MNT: variants seen among roughly 807,000 people sequenced by gnomAD.
MNT encodes the protein max-binding protein MNT.
Under a neutral mutation model 40.7 loss-of-function variants are expected in MNT, and 13 were observed. The ratio of observed to expected loss-of-function variants is 0.32; its 90% CI spans 0.21 to 0.51. The LOEUF (loss-of-function observed/expected upper bound fraction) is 0.51, where lower values mean the gene tolerates loss of function less well. Among genes scored for constraint, MNT ranks in the 20% least tolerant of loss-of-function variants. The pLI, the probability that MNT is intolerant of heterozygous loss-of-function variation, is 0.98. For synonymous variants in MNT, 426 were observed against 354.8 expected (o/e 1.20, Z -2.26); for missense variants, 757 against 792.0 (o/e 0.96, Z 0.53).
Position 2,387,511 on chromosome 17 carries a change from G to A in MNT, c.1139C>T (p.Pro380Leu). 6.2e-7 allele frequency: 1 copy of A among 1,613,188 alleles called. No homozygotes were observed. Among genetic ancestry groups the A allele is most frequent in the Admixed American group, 1.7e-5 (1 of 59,990 alleles). ...GGAGTGGGGGTGAGGGTGTGGGTGT[G>A]GAGGCAGAGGCGCAGGGGTGGTGCT... ...PPSTTPAPLP[P>L]HPHPHPHSVA... Residue 380 changes from proline (P) to leucine (L), a missense_variant, in exon 6 of 6, where the codon CCA becomes CTA. By Grantham distance (98) the Pro-to-Leu change is moderately conservative. Coordinates refer to ENST00000174618, the MANE Select transcript of MNT (RefSeq NM_020310.3).
In MNT at chr17:2,387,419, C is replaced by G. The variant is rs762242404; in HGVS notation, c.1231G>C (p.Ala411Pro). The G allele has an allele frequency of 1.6e-5, 25 of 1,611,642 alleles. No individual in the cohort carries two copies. Among genetic ancestry groups the G allele is most frequent in the Non-Finnish European group, 1.9e-5 (22 of 1,178,774 alleles). ...QQPQQKTPLP[A>P]PPPPPAAPAQ... ...GGGGCAGCCGGTGGGGGAGGAGGGG[C>G]TGGCAGAGGGGTCTTCTGCTGTGGC... is the stretch of plus-strand genomic sequence containing the variant. The change falls in exon 6 of 6, where the codon GCC (alanine) becomes CCC (proline). Residue 411 changes from alanine (A) to proline (P), a missense_variant. Coordinates refer to ENST00000174618, the MANE Select transcript of MNT (RefSeq NM_020310.3).
intron 4 of MNT, chr17:2,388,266 G>A (rs2066484672): frequency 9.4e-6 from 5 of 533,904 alleles, no homozygotes; most frequent in Non-Finnish European, 1.7e-5. Flanking sequence ...CTTGGGACAG[G>A]CACCACTGAA....
rs1481005205 is a variant in MNT at position 2,387,076 on chromosome 17, G to A, written c.1574C>T (p.Ser525Leu). 15 of 1,569,398 alleles carry A rather than the reference G, an allele frequency of 9.6e-6. No homozygotes were observed. Among genetic ancestry groups the A allele is most frequent in the African/African-American group, 1.3e-5 (1 of 74,252 alleles). ...GGCCGTGCCGTTGACTTGCTGGTGCGAGAGGGTGTGGGCGATGTGGCTCAC... is the reference window on the plus strand; with the variant it reads ...GGCCGTGCCGTTGACTTGCTGGTGCAAGAGGGTGTGGGCGATGTGGCTCAC... ...VAVSHIAHTL[S>L]HQQVNGTAGL... The change falls in exon 6 of 6, where the codon TCG becomes TTG. Residue 525 changes from serine to leucine, a missense_variant. This residue lies in a region of MNT where 345 missense variants were observed against 380.1 expected (regional missense o/e 0.91). Coordinates refer to ENST00000174618, the MANE Select transcript of MNT (RefSeq NM_020310.3).
At position 2,394,706 on chromosome 17, in the gene MNT, C is replaced by T. The variant is rs139056671; in HGVS notation, c.653+169G>A. On this transcript the variant is annotated intron_variant, in intron 2 of 5. Coordinates refer to ENST00000174618, the MANE Select transcript of MNT (RefSeq NM_020310.3). ...GTTAGGAAACACAGAAGCCTGGGAA[C>T]GGGGGGCAATGGGACATTCCTTCCC... 1.7e-3 allele frequency among the ~76,000 whole-genome samples: 252 copies of T among 152,260 alleles called. 1 individual carries two copies. Among genetic ancestry groups the T allele is most frequent in the African/African-American group, 5.9e-3 (245 of 41,548 alleles).
intron 4 of MNT, chr17:2,389,259 C>G (rs1398710847): frequency 6.6e-6 from 1 of 151,864 alleles, no homozygotes; most frequent in African/African-American, 2.4e-5. Flanking sequence ...CCCCCACTCT[C>G]CCTCAATTTT....
chr17:2,385,859 G>A lies in MNT; in HGVS notation c.*1042C>T, dbSNP rs1346660541. The A allele has an allele frequency of 1.3e-5, 2 of 152,296 alleles. No individual in the cohort carries two copies. The highest frequency in any genetic ancestry group is 4.8e-5 in the African/African-American group (2 of 41,462). The allele number at this position is 152,296 out of a possible 1,614,324, so 9.4% of individuals were successfully genotyped here. On this transcript the variant is annotated 3_prime_UTR_variant, in exon 6 of 6. Coordinates refer to ENST00000174618, the MANE Select transcript of MNT (RefSeq NM_020310.3). ...CAACGATGTGGCTTCTATGCTCCTG[G>A]AAACAAGACCAGATGCTGGTCCATG... is the stretch of plus-strand genomic sequence containing the variant.
intron 4 of MNT, chr17:2,391,088 A>T (rs2066509690): frequency 6.6e-6 from 1 of 152,440 alleles, no homozygotes. Context: ...TCCCGGGTTC[A>T]AGCGATTCTC....
chr17:2,400,777 A>C lies in MNT; in HGVS notation c.-65T>G. ...GCGGCCCGCGAGCCGGGCACAGGTCAGGCTGGCGGGCAGGCAGGAGGGAGG... is the reference window on the plus strand; with the variant it reads ...GCGGCCCGCGAGCCGGGCACAGGTCCGGCTGGCGGGCAGGCAGGAGGGAGG... On this transcript the variant is annotated 5_prime_UTR_variant, in exon 1 of 6. Transcript: ENST00000174618. 1 of 1,408,938 alleles carries C rather than the reference A, an allele frequency of 7.1e-7. No homozygotes were observed. Among genetic ancestry groups the C allele is most frequent in the Admixed American group, 3.1e-5 (1 of 32,010 alleles). The allele number at this position is 1,408,938 out of a possible 1,614,324, so 87.3% of individuals were successfully genotyped here.
chr17:2,393,006 G>A (rs1454096645), intron 4 of MNT, among the ~76,000 whole-genome samples: 1 of 152,072 alleles, frequency 6.6e-6, no homozygotes, highest in Non-Finnish European at 1.5e-5. Context: ...GAGGCCGGGG[G>A]AGGGGCGGCG....
At position 2,384,242 on chromosome 17, in the gene MNT, T is replaced by G. The variant is rs925897328; in HGVS notation, c.*2659A>C. On this transcript the variant is annotated 3_prime_UTR_variant, in exon 6 of 6. Coordinates refer to ENST00000174618, the MANE Select transcript of MNT (RefSeq NM_020310.3). The stretch of plus-strand genomic sequence containing the variant: ...GTACAAAATTAGGGTTTTTGTAGTT[T>G]TTTTTTTTTTCCACACAGCAGATGT... 4 of 152,274 alleles carry G rather than the reference T, an allele frequency of 2.6e-5. No individual in the cohort carries two copies. The highest frequency in any genetic ancestry group is 5.9e-5 in the Non-Finnish European group (4 of 67,978). The allele number at this position is 152,274 out of a possible 1,614,324, so 9.4% of individuals were successfully genotyped here.
At chr17:2,389,467 G>C (rs1041932602) in intron 4 of MNT, 17 of 152,084 alleles carry the variant, frequency 1.1e-4, no homozygotes, top group African/African-American at 4.1e-4. Context: ...TAGAGACAGG[G>C]TTTCTCCATG....
intron 1 of MNT, among the ~76,000 whole-genome samples, chr17:2,399,814 G>A (rs1304273721): frequency 6.6e-6 from 1 of 152,172 alleles, no homozygotes; most frequent in Non-Finnish European, 1.5e-5. Flanking sequence ...CATTCCAGGC[G>A]AGAGCGGGTT....
chr17:2,395,898 AG>A (rs140618007), intron 1 of MNT, among the ~76,000 whole-genome samples: 21 of 151,742 alleles, frequency 1.4e-4, no homozygotes, highest in East Asian at 1.9e-4. Flanking sequence ...TTCACACCAG[AG>A]GGGGGGGTGT....
At chr17:2,394,493 G>T in intron 2 of MNT, 147 bp from the exon 3 acceptor site, 1 of 1,193,196 alleles carries the variant, frequency 8.4e-7, no homozygotes. Flanking sequence ...CCTGTGCCAT[G>T]CTGCGCCCAC....
rs753145734 is a variant in MNT, at chr17:2,387,216, C to T, written c.1434G>A (p.Ala478=). 6.2e-6 allele frequency: 10 copies of T among 1,609,744 alleles called. No homozygotes were observed. Among genetic ancestry groups the T allele is most frequent in the East Asian group, 2.2e-5 (1 of 44,606 alleles). The part of the protein sequence containing the change: ...AHIAPSAPSP[A]VQLAPATPPI... ...GGGGTGTGGCAGGCGCCAGTTGCAC[C>T]GCAGGGCTGGGGGCCGAGGGGGCGA... The change falls in exon 6 of 6, where the codon GCG becomes GCA. Residue 478 remains alanine, a synonymous_variant. Coordinates refer to ENST00000174618, the MANE Select transcript of MNT (RefSeq NM_020310.3).
intron 1 of MNT, among the ~76,000 whole-genome samples, chr17:2,399,751 G>T (rs544595549): frequency 1.3e-5 from 2 of 152,310 alleles, no homozygotes; most frequent in South Asian, 2.1e-4. Context: ...GGCGGAGCCC[G>T]TCCACGTCAC....
chr17:2,387,045 C>G lies in MNT; in HGVS notation c.1605G>C (p.Leu535=). 1 of 1,555,446 alleles carries G rather than the reference C, an allele frequency of 6.4e-7. No homozygotes were observed. The highest frequency in any genetic ancestry group is 8.7e-7 in the Non-Finnish European group (1 of 1,149,398). ...TTGCCATGACAGTAGCCGGGGGCCC[C>G]AGGCCGGCCGTGCCGTTGACTTGCT... ...SHQQVNGTAG[L]GPPATVMAKP... is the part of the protein sequence containing the mutation. The change falls in exon 6 of 6, where the codon CTG becomes CTC. Residue 535 remains leucine, a synonymous_variant. Transcript: ENST00000174618.
At position 2,395,337 on chromosome 17, in the gene MNT, G is replaced by A. The variant is rs138518103; in HGVS notation, c.191C>T (p.Pro64Leu). ...PVEEPRMEAP[P>L]LPLSPPAPPP... ...GGGAGCCGGTGGAGACAGAGGCAGG[G>A]GTGGCGCCTCCATGCGGGGTTCCTC... The change falls in exon 2 of 6, where the codon CCC becomes CTC. Residue 64 changes from proline to leucine, a missense_variant. By Grantham distance (98) the Pro-to-Leu change is moderately conservative. Coordinates refer to ENST00000174618, the MANE Select transcript of MNT (RefSeq NM_020310.3). 2 of 1,612,016 alleles carry A rather than the reference G, an allele frequency of 1.2e-6. No homozygotes were observed. The highest frequency in any genetic ancestry group is 1.1e-5 in the South Asian group (1 of 91,046).
Position 2,394,168 on chromosome 17 carries a change from C to G in MNT, c.696-14G>C, listed in dbSNP as rs376266954. 67 of 1,600,544 alleles carry G rather than the reference C, an allele frequency of 4.2e-5. 1 individual carries two copies. Among genetic ancestry groups the G allele is most frequent in the East Asian group, 4.1e-4 (18 of 43,996 alleles). On this transcript the variant is annotated splice_polypyrimidine_tract_variant and intron_variant, in intron 3 of 5. Transcript: ENST00000174618. The stretch of plus-strand genomic sequence containing the variant: ...AGATGGGCCCTCCTGAAGAGAGGGG[C>G]GAGCGCCGGTCAGCGGTGCCTGGGG...
Sources: allele counts gnomAD v4.1 joint callset (sites outside exome capture counted in the v4.1 genomes callset), GRCh38; gene constraint gnomAD v4.1.1; regional missense constraint gnomAD v4.1.1; transcripts MANE v1.5; gene names NCBI Gene and HGNC (gene_info 2026-07-23, HGNC 2026-07-21).